Variants in TRIM44 observed in about 807,000 individuals in gnomAD.
The protein encoded by TRIM44 is tripartite motif containing 44, also known as tripartite motif-containing protein 44.
A neutral mutation model predicts 37.4 loss-of-function variants in TRIM44; 13 were observed. The observed-to-expected ratio is 0.35, with a 90% confidence interval of 0.23 to 0.55. The LOEUF is 0.55. Among genes scored for constraint, TRIM44 ranks in the 20% least tolerant of loss-of-function variants. The pLI, the probability that TRIM44 is intolerant of heterozygous loss-of-function variation, is 0.89. For missense variants in TRIM44, 426 were observed against 437.2 expected (o/e 0.97, Z 0.23); for synonymous variants, 175 against 157.2 (o/e 1.11, Z -0.85).
intron 4 of TRIM44, among the ~76,000 whole-genome samples, chr11:35,736,051 C>T (rs1852323535): frequency 6.6e-6 from 1 of 152,094 alleles, no homozygotes; most frequent in Non-Finnish European, 1.5e-5. Flanking sequence ...TCCTGTCATT[C>T]TTCTCAAGCA....
chr11:35,750,102 A>G (rs539374679), intron 4 of TRIM44, among the ~76,000 whole-genome samples: 3 of 152,328 alleles, frequency 2.0e-5, no homozygotes, highest in African/African-American at 7.2e-5. Context: ...CAAAATCTCC[A>G]TGAGCCTTCT....
At chr11:35,744,665 G>A (rs559875898) in intron 4 of TRIM44, among the ~76,000 whole-genome samples, 8 of 152,096 alleles carry the variant, frequency 5.3e-5, no homozygotes, top group Admixed American at 2.0e-4. Flanking sequence ...TCGTCCCATC[G>A]CTTAGGTATT....
Position 35,697,141 on chromosome 11 carries a change from G to A in TRIM44, c.747+11805G>A, listed in dbSNP as rs183990914. On this transcript the variant is annotated intron_variant, in intron 2 of 4. Transcript: ENST00000299413. ...AGGTTTGTTACATATGTATACATGT[G>A]CCATGTTGGTGTGCTGCACCCATTA... Among the ~76,000 whole-genome samples the A allele has an allele frequency of 8.9e-4, 135 of 151,272 alleles. 1 individual carries two copies. In the East Asian group the frequency reaches 0.024, roughly 27 times the overall value.
At chr11:35,743,902 C>T (rs1265011409) in intron 4 of TRIM44, among the ~76,000 whole-genome samples, 1 of 152,136 alleles carries the variant, frequency 6.6e-6, no homozygotes, top group Non-Finnish European at 1.5e-5. Flanking sequence ...AAAAAATTGT[C>T]GTAATGTGCT....
At chr11:35,705,505 G>C (rs867184032) in intron 2 of TRIM44, among the ~76,000 whole-genome samples, 17 of 152,214 alleles carry the variant, frequency 1.1e-4, no homozygotes, top group Admixed American at 2.6e-4. Context: ...TGACCACATA[G>C]TGGGAAGTAA....
intron 4 of TRIM44, among the ~76,000 whole-genome samples, chr11:35,747,915 G>T (rs888117382): frequency 1.3e-5 from 2 of 152,030 alleles, no homozygotes; most frequent in Non-Finnish European, 2.9e-5. Flanking sequence ...GGGGATAATT[G>T]TTGCAGGAGG....
chr11:35,684,224 C>T (rs977890082), intron 1 of TRIM44, among the ~76,000 whole-genome samples: 2 of 151,822 alleles, frequency 1.3e-5, no homozygotes, highest in Non-Finnish European at 2.9e-5. Flanking sequence ...ATTGATTGGG[C>T]TGTAATTGTG....
At chr11:35,790,580 A>G (rs749982394) in intron 4 of TRIM44, among the ~76,000 whole-genome samples, 6 of 152,194 alleles carry the variant, frequency 3.9e-5, no homozygotes, top group Non-Finnish European at 8.8e-5. Context: ...GGGTCATCTA[A>G]TGGTGACCAG....
At chr11:35,731,551 G>A (rs1385944223) in intron 3 of TRIM44, among the ~76,000 whole-genome samples, 1 of 151,828 alleles carries the variant, frequency 6.6e-6, no homozygotes, top group Non-Finnish European at 1.5e-5. Context: ...GTCAGGTTTG[G>A]GTATTAGGAT....
chr11:35,667,131 A>T, intron 1 of TRIM44, among the ~76,000 whole-genome samples: 1 of 152,186 alleles, frequency 6.6e-6, no homozygotes, highest in East Asian at 1.9e-4. Flanking sequence ...ATGTTTTATC[A>T]GTTTAAAAAA....
rs1397888494 is a variant in TRIM44 at position 35,811,197 on chromosome 11, G to C, written c.*4812G>C. ...CTAATTTACTCCTGACTTTTCCACA[G>C]TGCCTTAGGAGAGAGCTCTGGGAAG... On this transcript the variant is annotated 3_prime_UTR_variant, in exon 5 of 5. Transcript: ENST00000299413. 2 of 152,112 alleles carry C rather than the reference G, an allele frequency of 1.3e-5. No individual in the cohort carries two copies. Among genetic ancestry groups the C allele is most frequent in the African/African-American group, 4.8e-5 (2 of 41,420 alleles). 9.4% of individuals were successfully genotyped at this position (152,112 alleles called of 1,614,324 possible). A position where few individuals can be genotyped will look rare whatever the true frequency, so the allele number is the denominator to read the frequency against.
rs145361843 is a variant in TRIM44, at chr11:35,740,447, G to A, written c.1007+5002G>A. On this transcript the variant is annotated intron_variant, in intron 4 of 4. Coordinates refer to ENST00000299413, the MANE Select transcript of TRIM44 (RefSeq NM_017583.6). ...TTTTGATTTGCTATTGAGGTTTTCT[G>A]TAATTTTTTTTAACCTAAGAGGAAA... Among the ~76,000 whole-genome samples, 354 of 152,236 alleles carry A rather than the reference G, an allele frequency of 2.3e-3. 3 individuals are homozygous for A. Among genetic ancestry groups the A allele is most frequent in the African/African-American group, 8.1e-3 (335 of 41,540 alleles).
Position 35,817,153 on chromosome 11 carries a change from G to A in TRIM44, c.*10768G>A, listed in dbSNP as rs1392203304. 6.6e-6 allele frequency: 1 copy of A among 152,152 alleles called. No homozygotes were observed. The highest frequency in any genetic ancestry group is 2.4e-5 in the African/African-American group (1 of 41,434). The allele number at this position is 152,152 out of a possible 1,614,324, so 9.4% of individuals were successfully genotyped here. On this transcript the variant is annotated 3_prime_UTR_variant, in exon 5 of 5. Coordinates refer to ENST00000299413, the MANE Select transcript of TRIM44 (RefSeq NM_017583.6). The stretch of plus-strand genomic sequence containing the variant: ...TTAAACTGACTGACATCTTGATAAT[G>A]CCCATATCCAGAGGTACTCCAGATA...
At chr11:35,740,253 CCTT>C (rs1001453510) in intron 4 of TRIM44, among the ~76,000 whole-genome samples, 2 of 151,416 alleles carry the variant, frequency 1.3e-5, no homozygotes, top group Non-Finnish European at 2.9e-5. Context: ...CAGGTTGGCT[CCTT>C]CTCTACTCCT....
intron 3 of TRIM44, among the ~76,000 whole-genome samples, chr11:35,731,345 C>T (rs985078645): frequency 6.6e-6 from 1 of 152,070 alleles, no homozygotes; most frequent in South Asian, 2.1e-4. Context: ...TGATCATACG[C>T]ATTTTTTTCA....
intron 4 of TRIM44, among the ~76,000 whole-genome samples, chr11:35,772,656 C>T (rs1203588807): frequency 6.6e-6 from 1 of 152,188 alleles, no homozygotes; most frequent in Non-Finnish European, 1.5e-5. Flanking sequence ...GGCCAATTTC[C>T]CCCATTTGGA....
At chr11:35,673,956 C>T (rs924894254) in intron 1 of TRIM44, among the ~76,000 whole-genome samples, 1 of 151,814 alleles carries the variant, frequency 6.6e-6, no homozygotes, top group Non-Finnish European at 1.5e-5. Context: ...CGTATGTGTT[C>T]TGCTTGAAGT....
At chr11:35,767,684 G>A (rs1215122999) in intron 4 of TRIM44, among the ~76,000 whole-genome samples, 1 of 152,132 alleles carries the variant, frequency 6.6e-6, no homozygotes, top group Non-Finnish European at 1.5e-5. Flanking sequence ...GAAGGACCAT[G>A]GGCTTTGAAG....
intron 4 of TRIM44, among the ~76,000 whole-genome samples, chr11:35,791,570 C>T (rs138794700): frequency 6.6e-6 from 1 of 152,232 alleles, no homozygotes; most frequent in Non-Finnish European, 1.5e-5. Context: ...TCTCACTGGA[C>T]CATCGCACAT....
Sources: allele counts gnomAD v4.1 joint callset (sites outside exome capture counted in the v4.1 genomes callset), GRCh38; gene constraint gnomAD v4.1.1; transcripts MANE v1.5; gene names NCBI Gene and HGNC (gene_info 2026-07-23, HGNC 2026-07-21).